The following MAMDC4 variants were observed in gnomAD, a reference collection of about 807,000 sequenced individuals.
MAMDC4 encodes the protein apical endosomal glycoprotein.
Under a neutral mutation model 153.3 loss-of-function variants are expected in MAMDC4, and 168 were observed. The ratio of observed to expected loss-of-function variants is 1.10; its 90% CI spans 0.97 to 1.25. MAMDC4 has a LOEUF of 1.25. Among genes scored for constraint, MAMDC4 ranks in the 50% most tolerant of loss-of-function variants. The pLI is 0.00. For missense variants in MAMDC4, 1,701 were observed against 1,542.8 expected (o/e 1.10, Z -1.72); for synonymous variants, 744 against 651.5 (o/e 1.14, Z -2.16).
rs183692211 is a variant in MAMDC4, at chr9:136,858,783, C to G, written c.2886C>G (p.Ser962Arg). 6.2e-7 allele frequency: 1 copy of G among 1,610,114 alleles called. No homozygotes were observed. The highest frequency in any genetic ancestry group is 8.5e-7 in the Non-Finnish European group (1 of 1,178,866). Residue 962 changes from serine (S) to arginine (R), a missense_variant, in exon 23 of 27, where the codon AGC becomes AGG. Transcript: ENST00000317446. ...GPGGRAAWLR[S>R]EPLPATPASC... ...GGGGCCGGGCCGCCTGGCTGCGCAG[C>G]GAGCCTCTGCCGGCCACCCCAGCCT...
In MAMDC4 at chr9:136,854,245, C is replaced by A. The variant is rs752643727; in HGVS notation, c.705C>A (p.His235Gln). 4 of 1,612,132 alleles carry A rather than the reference C, an allele frequency of 2.5e-6. No homozygotes were observed. Among genetic ancestry groups the A allele is most frequent in the Non-Finnish European group, 3.4e-6 (4 of 1,179,710 alleles). The change falls in exon 7 of 27, where the codon CAC (histidine) becomes CAA (glutamine). Residue 235 changes from histidine to glutamine, a missense_variant. Physicochemically the swap from His to Gln is conservative, Grantham distance 24. Coordinates refer to ENST00000317446, the MANE Select transcript of MAMDC4 (RefSeq NM_206920.3). ...CCAACTGTCCCCCGGGACACCACCACTGCCAGAACAAGGTCTGCGTGGAGC... is the reference window on the plus strand; with the variant it reads ...CCAACTGTCCCCCGGGACACCACCAATGCCAGAACAAGGTCTGCGTGGAGC... ...PQANCPPGHH[H>Q]CQNKVCVEPQ...
Position 136,855,588 on chromosome 9 carries a change from G to A in MAMDC4, c.1440G>A (p.Gln480=), listed in dbSNP as rs769452939. 5.7e-6 allele frequency: 9 copies of A among 1,588,618 alleles called. No individual in the cohort carries two copies. In the Admixed American group the frequency reaches 8.8e-5, roughly 16 times the overall value. The change falls in exon 12 of 27, where the codon CAG becomes CAA. Residue 480 remains glutamine, a synonymous_variant. Coordinates refer to ENST00000317446, the MANE Select transcript of MAMDC4 (RefSeq NM_206920.3). ...PPEQLCDFEE[Q]CAGGEDEQAC... The stretch of plus-strand genomic sequence containing the variant: ...AACAACTGTGTGACTTCGAGGAGCA[G>A]TGCGCAGGGGGCGAGGACGAGCAGG...
rs774792091 is a variant in MAMDC4, at chr9:136,857,477, A to C, written c.2217A>C (p.Ser739=). 1.1e-5 allele frequency: 18 copies of C among 1,609,406 alleles called. No individual in the cohort carries two copies. The South Asian group carries it at 2.0e-4, about 18-fold the overall frequency. ...WAPNYCSFED[S]DCGFSPGGQG... is the part of the protein sequence containing the mutation. ...CTAATTACTGCTCCTTTGAGGACTCAGACTGCGGCTTCTCCCCTGGAGGCC... is the reference window on the plus strand; with the variant it reads ...CTAATTACTGCTCCTTTGAGGACTCCGACTGCGGCTTCTCCCCTGGAGGCC... Residue 739 remains serine, a synonymous_variant, in exon 18 of 27, where the codon TCA becomes TCC. Transcript: ENST00000317446.
intron 10 of MAMDC4, 64 bp downstream of exon 10, chr9:136,855,174 A>G (rs1848985756): frequency 7.6e-6 from 12 of 1,573,582 alleles, no homozygotes; most frequent in Non-Finnish European, 1.0e-5. Context: ...GGGAACCCAC[A>G]AGGTACCCAC....
chr9:136,853,407 G>A lies in MAMDC4; in HGVS notation c.277G>A (p.Ala93Thr), dbSNP rs775742539. The A allele has an allele frequency of 5.6e-6, 9 of 1,603,690 alleles. No individual in the cohort carries two copies. In the East Asian group the frequency reaches 6.7e-5, roughly 12 times the overall value. The change falls in exon 3 of 27, where the codon GCA becomes ACA. Residue 93 changes from alanine (A) to threonine (T), a missense_variant. By Grantham distance (58) the Ala-to-Thr change is moderately conservative. Coordinates refer to ENST00000317446, the MANE Select transcript of MAMDC4 (RefSeq NM_206920.3). Reference protein sequence around the residue: ...YSWLRDRAGAALEGPGPHSDH... With the variant: ...YSWLRDRAGATLEGPGPHSDH... Reference sequence around the variant, plus strand: ...CTGGCTCCGAGACAGGGCAGGGGCCGCACTGGAGGGTCCTGGGCCTCACTC... The same window carrying A: ...CTGGCTCCGAGACAGGGCAGGGGCCACACTGGAGGGTCCTGGGCCTCACTC...
At chr9:136,859,686 C>T in intron 25 of MAMDC4, 200 bp from the exon 26 acceptor site, 2 of 616,858 alleles carry the variant, frequency 3.2e-6, no homozygotes, top group Admixed American at 6.0e-5. Context: ...GGGCCATGAG[C>T]CCCACCAAGT....
intron 26 of MAMDC4, among the ~76,000 whole-genome samples, 197 bp from the exon 27 acceptor site, chr9:136,860,365 G>C (rs1806500): frequency 0.78 from 118,612 of 152,216 alleles, 46,669 homozygotes; most frequent in African/African-American, 0.89. Context: ...ACTAAAACTA[G>C]AAAAAATTAG....
rs535304930 is a variant in MAMDC4 at position 136,858,213 on chromosome 9, G to A, written c.2611G>A (p.Val871Met). 1.1e-5 allele frequency: 17 copies of A among 1,598,322 alleles called. No homozygotes were observed. The highest frequency in any genetic ancestry group is 2.7e-5 in the African/African-American group (2 of 74,872). Residue 871 changes from valine (V) to methionine (M), a missense_variant, in exon 21 of 27, where the codon GTG (valine) becomes ATG (methionine). Val to Met is a conservative substitution (Grantham distance 21). Coordinates refer to ENST00000317446, the MANE Select transcript of MAMDC4 (RefSeq NM_206920.3). ...RVVFEAVAAG[V>M]AHSYVALDDL... ...GGTGTTTGAGGCAGTGGCCGCAGGC[G>A]TGGCACACTCCTACGTGGCTCTGGA...
chr9:136,852,949 C>G (rs1447828687), intron 1 of MAMDC4, among the ~76,000 whole-genome samples, 153 bp from the exon 2 acceptor site: 1 of 152,234 alleles, frequency 6.6e-6, no homozygotes, highest in Non-Finnish European at 1.5e-5. Flanking sequence ...GGTGGGAGTT[C>G]TCTGTGGGTC....
chr9:136,854,890 T>C, intron 9 of MAMDC4, 40 bp downstream of exon 9: 2 of 1,612,578 alleles, frequency 1.2e-6, no homozygotes, highest in Non-Finnish European at 1.7e-6. Context: ...CTGCTCTCCG[T>C]GCTGGCTGCC....
intron 22 of MAMDC4, 77 bp downstream of exon 22, chr9:136,858,623 C>T (rs565609827): frequency 1.3e-6 from 2 of 1,592,134 alleles, no homozygotes; most frequent in African/African-American, 1.4e-5. Context: ...AGAGTACATG[C>T]CCCATCCAGA....
intron 1 of MAMDC4, 118 bp downstream of exon 1, chr9:136,852,580 T>C: frequency 3.7e-6 from 5 of 1,335,626 alleles, no homozygotes; most frequent in Non-Finnish European, 5.3e-6. Context: ...GGAAGGAGGG[T>C]TGCAAGGTAC....
Position 136,858,279 on chromosome 9 carries a change from G to A in MAMDC4, c.2674+3G>A, listed in dbSNP as rs1303880446. 6.2e-7 allele frequency: 1 copy of A among 1,601,596 alleles called. No individual in the cohort carries two copies. Among genetic ancestry groups the A allele is most frequent in the Non-Finnish European group, 8.5e-7 (1 of 1,179,260 alleles). ...GGACGGGCCCTGCCCTCAGCCAGGT[G>A]GGAGCCCTGCCGTGGCCTCGGCCCT... On this transcript the variant is annotated splice_donor_region_variant and intron_variant, in intron 21 of 26. Transcript: ENST00000317446.
In MAMDC4 at chr9:136,855,738, C is replaced by G; in HGVS notation, c.1478C>G (p.Thr493Arg). Residue 493 changes from threonine to arginine, a missense_variant, in exon 13 of 27, where the codon ACA (threonine) becomes AGA (arginine). By Grantham distance (71) the Thr-to-Arg change is moderately conservative (BLOSUM62 -1). Transcript: ENST00000317446. ...GTGCCGGCTGCTGTTCCAGGCACCACAGACTTTGAGTCCCCCGAGGCTGGG... is the reference window on the plus strand; with the variant it reads ...GTGCCGGCTGCTGTTCCAGGCACCAGAGACTTTGAGTCCCCCGAGGCTGGG... The part of the protein sequence containing the change: ...GGEDEQACGT[T>R]DFESPEAGGW... The G allele has an allele frequency of 6.3e-7, 1 of 1,575,684 alleles. No homozygotes were observed. Among genetic ancestry groups the G allele is most frequent in the Non-Finnish European group, 8.6e-7 (1 of 1,161,776 alleles).
chr9:136,857,202 G>A lies in MAMDC4; in HGVS notation c.2010G>A (p.Glu670=), dbSNP rs762860053. 2.4e-5 allele frequency: 38 copies of A among 1,612,106 alleles called. No individual in the cohort carries two copies. Among genetic ancestry groups the A allele is most frequent in the African/African-American group, 8.0e-5 (6 of 74,928 alleles). ...TAGCCATGAGACGGGAAGGGGAGGA[G>A]ACACACCTGTGGTCGCGGTCAGGCA... ...LRLAMRREGE[E]THLWSRSGTQ... Residue 670 remains glutamate, a synonymous_variant, in exon 17 of 27, where the codon GAG becomes GAA. Transcript: ENST00000317446.
rs373186230 is a variant in MAMDC4, at chr9:136,857,395, A to C, written c.2135A>C (p.Tyr712Ser). Residue 712 changes from tyrosine (Y) to serine (S), a missense_variant, in exon 18 of 27, where the codon TAC becomes TCC. Coordinates refer to ENST00000317446, the MANE Select transcript of MAMDC4 (RefSeq NM_206920.3). ...CTGTTCGAGGGCCTCCGGGACGGAT[A>C]CCACGGCACCATGGCGCTGGACGAT... ...QLLFEGLRDG[Y>S]HGTMALDDVA... The C allele has an allele frequency of 1.2e-6, 2 of 1,608,106 alleles. No individual in the cohort carries two copies. Among genetic ancestry groups the C allele is most frequent in the Non-Finnish European group, 1.7e-6 (2 of 1,179,874 alleles).
intron 21 of MAMDC4, 50 bp from the exon 22 acceptor site, chr9:136,858,350 C>G: frequency 2.5e-6 from 4 of 1,600,240 alleles, no homozygotes; most frequent in Non-Finnish European, 3.4e-6. Context: ...GTCGTGGTGC[C>G]CAGGGCTTGG....
At position 136,857,151 on chromosome 9, in the gene MAMDC4, T is replaced by A. The variant is rs780256181; in HGVS notation, c.1973-14T>A. The stretch of plus-strand genomic sequence containing the variant: ...AGGAGAGAGGTCAGTTATGGACTGG[T>A]CCCCTCCCTGCAGGGACTCTGCGCC... On this transcript the variant is annotated splice_polypyrimidine_tract_variant and intron_variant, in intron 16 of 26. Transcript: ENST00000317446. 1.6e-5 allele frequency: 26 copies of A among 1,611,974 alleles called. No individual in the cohort carries two copies. The highest frequency in any genetic ancestry group is 3.3e-5 in the Admixed American group (2 of 59,910).
In MAMDC4 at chr9:136,856,809, A is replaced by G. The variant is rs781087663; in HGVS notation, c.1820A>G (p.Asp607Gly). Residue 607 changes from aspartate (D) to glycine (G), a missense_variant, in exon 15 of 27, where the codon GAC (aspartate) becomes GGC (glycine). Physicochemically the swap from Asp to Gly is moderately conservative, Grantham distance 94 (BLOSUM62 -1). Coordinates refer to ENST00000317446, the MANE Select transcript of MAMDC4 (RefSeq NM_206920.3). The part of the protein sequence containing the change: ...RWVESRGPDH[D>G]HTTGQGHFVL... ...GTGGAGAGCCGCGGCCCTGACCACG[A>G]CCACACCACAGGCCAAGGTAGGATG... 1.2e-6 allele frequency: 2 copies of G among 1,612,056 alleles called. No individual in the cohort carries two copies. Among genetic ancestry groups the G allele is most frequent in the South Asian group, 2.2e-5 (2 of 90,932 alleles).
Sources: allele counts gnomAD v4.1 joint callset (sites outside exome capture counted in the v4.1 genomes callset), GRCh38; gene constraint gnomAD v4.1.1; transcripts MANE v1.5; gene names NCBI Gene and HGNC (gene_info 2026-07-23, HGNC 2026-07-21).